The following CDCA2 variants were observed in gnomAD, a reference collection of about 807,000 sequenced individuals.
The protein encoded by CDCA2 is cell division cycle associated 2.
In CDCA2, 44 loss-of-function variants were observed where a neutral mutation model predicts 67.0. The observed-to-expected ratio is 0.66, with a 90% CI of 0.52 to 0.84. The LOEUF (loss-of-function observed/expected upper bound fraction) is 0.84, where lower values mean the gene tolerates loss of function less well. Ranked by LOEUF, CDCA2 falls within the 40% of genes least tolerant of loss-of-function variation. CDCA2 has a pLI of 0.00. For synonymous variants in CDCA2, 447 were observed against 418.7 expected (o/e 1.07, Z -0.82); for missense variants, 1,253 against 1,203.2 (o/e 1.04, Z -0.61).
intron 4 of CDCA2, among the ~76,000 whole-genome samples, chr8:25,465,857 A>G (rs1349534302): frequency 6.6e-6 from 1 of 152,226 alleles, no homozygotes; most frequent in Non-Finnish European, 1.5e-5. Flanking sequence ...TACATCCAGC[A>G]CAACATTTGG....
intron 7 of CDCA2, among the ~76,000 whole-genome samples, chr8:25,470,756 CTTTG>C (rs1803119710): frequency 1.4e-5 from 2 of 139,444 alleles, no homozygotes; most frequent in South Asian, 4.7e-4. Context: ...GCTGTATGTG[CTTTG>C]TTTTTCTTTT....
chr8:25,485,180 T>TATAATAATA (rs59602718), intron 10 of CDCA2, among the ~76,000 whole-genome samples: 580 of 113,922 alleles, frequency 5.1e-3, no homozygotes, highest in Non-Finnish European at 6.4e-3. Context: ...AAACTTAAAG[T>TATAATAATA]ATAATAATAA....
rs1802581094 is a variant in CDCA2, at chr8:25,459,383, C to T, written c.-91C>T. ...CCCTTCCGGACAGAGGAGCCGGGGT[C>T]TGGAAGGAGCGGCCGACGCGACGCT... On this transcript the variant is annotated 5_prime_UTR_variant, in exon 1 of 15. Transcript: ENST00000330560. 1 of 152,210 alleles carries T rather than the reference C, an allele frequency of 6.6e-6. No homozygotes were observed. The allele number at this position is 152,210 out of a possible 1,614,324, so 9.4% of individuals were successfully genotyped here. A position where few individuals can be genotyped will look rare whatever the true frequency, so the allele number is the denominator to read the frequency against.
rs1290775166 is a variant in CDCA2, at chr8:25,506,613, A to G, written c.1947A>G (p.Gln649=). 4 of 1,612,914 alleles carry G rather than the reference A, an allele frequency of 2.5e-6. No individual in the cohort carries two copies. Among genetic ancestry groups the G allele is most frequent in the Non-Finnish European group, 3.4e-6 (4 of 1,179,788 alleles). Residue 649 remains glutamine, a synonymous_variant, in exon 15 of 15, where the codon CAA becomes CAG. Coordinates refer to ENST00000330560, the MANE Select transcript of CDCA2 (RefSeq NM_152562.4). ...LRHDPDLHMH[Q]GYDKYDVSEF... ...ATGACCCAGATTTGCATATGCATCA[A>G]GGCTATGATAAATATGATGTCTCTG...
chr8:25,476,453 C>A (rs1018089366), intron 7 of CDCA2, among the ~76,000 whole-genome samples: 4 of 152,086 alleles, frequency 2.6e-5, no homozygotes, highest in Non-Finnish European at 4.4e-5. Flanking sequence ...AGGTCTTGGT[C>A]CTCTCACCCC....
intron 7 of CDCA2, among the ~76,000 whole-genome samples, chr8:25,471,299 G>A (rs1348635073): frequency 2.0e-5 from 3 of 152,176 alleles, no homozygotes; most frequent in African/African-American, 7.2e-5. Context: ...CCTGCACAGG[G>A]CAAGGTTGTG....
chr8:25,470,055 A>G (rs62502024), intron 7 of CDCA2, 75 bp downstream of exon 7: 66,592 of 989,408 alleles, frequency 0.067, 2,738 homozygotes, highest in Non-Finnish European at 0.08. Context: ...CTATTTGCTA[A>G]AATTTGGGGG....
chr8:25,468,269 G>A lies in CDCA2; in HGVS notation c.591G>A (p.Leu197=), dbSNP rs1803001903. ...ACQQSGFPAV[L]SSKRRRISYQ... ...AGCAGTCTGGGTTCCCTGCAGTGTT[G>A]TCCTCCAAACGTCGGAGAATATCCT... is the stretch of plus-strand genomic sequence containing the variant. The change falls in exon 6 of 15, where the codon TTG becomes TTA. Residue 197 remains leucine (L), a synonymous_variant. Transcript: ENST00000330560. 1.2e-6 allele frequency: 2 copies of A among 1,613,094 alleles called. No individual in the cohort carries two copies. Among genetic ancestry groups the A allele is most frequent in the South Asian group, 1.1e-5 (1 of 91,050 alleles).
chr8:25,490,111 G>C (rs976142689), intron 13 of CDCA2, among the ~76,000 whole-genome samples: 1 of 151,996 alleles, frequency 6.6e-6, no homozygotes, highest in African/African-American at 2.4e-5. Context: ...ACACACTCTT[G>C]ATAAAATGAT....
In CDCA2 at chr8:25,479,982, C is replaced by T; in HGVS notation, c.890C>T (p.Ala297Val). The T allele has an allele frequency of 6.2e-7, 1 of 1,614,150 alleles. No individual in the cohort carries two copies. The highest frequency in any genetic ancestry group is 8.5e-7 in the Non-Finnish European group (1 of 1,180,036). ...GCCGTTTCGCCTGACACGTTCACAG[C>T]AGAAGTGAGCTCAGACGCAGTCCCT... is the stretch of plus-strand genomic sequence containing the variant. ...SDAVSPDTFT[A>V]EVSSDAVPDV... The change falls in exon 8 of 15, where the codon GCA becomes GTA. Residue 297 changes from alanine (A) to valine (V), a missense_variant. Physicochemically the swap from Ala to Val is moderately conservative, Grantham distance 64. Coordinates refer to ENST00000330560, the MANE Select transcript of CDCA2 (RefSeq NM_152562.4).
Position 25,474,916 on chromosome 8 carries a change from T to C in CDCA2, c.820+4936T>C, listed in dbSNP as rs79648792. ...GGTAGGGTTAAGCAGAGCACTGAGA[T>C]TTGGTAGAGTCACTTCTCTGCAGCT... On this transcript the variant is annotated intron_variant, in intron 7 of 14. Transcript: ENST00000330560. Among the ~76,000 whole-genome samples, 1,352 of 152,202 alleles carry C rather than the reference T, an allele frequency of 8.9e-3. 17 individuals are homozygous for C. The highest frequency in any genetic ancestry group is 0.02 in the Middle Eastern group (6 of 294).
chr8:25,490,278 T>A (rs1168082046), intron 13 of CDCA2, among the ~76,000 whole-genome samples: 1 of 151,758 alleles, frequency 6.6e-6, no homozygotes, highest in Non-Finnish European at 1.5e-5. Flanking sequence ...GGCCAGAAAG[T>A]ACAAAAAGGA....
At position 25,480,016 on chromosome 8, in the gene CDCA2, GT is replaced by G. The variant is rs1479168604; in HGVS notation, c.925del (p.Ser309HisfsTer23). 6.2e-7 allele frequency: 1 copy of G among 1,614,078 alleles called. No homozygotes were observed. The highest frequency in any genetic ancestry group is 8.5e-7 in the Non-Finnish European group (1 of 1,180,028). ...VSSDAVPDVR[S>X]PATPACRRDL... The stretch of plus-strand genomic sequence containing the variant: ...GCTCAGACGCAGTCCCTGATGTCAG[GT>G]CACCAGCTACTCCAGCCTGCAGGAG... On this transcript the variant is annotated frameshift_variant, in exon 8 of 15. Coordinates refer to ENST00000330560, the MANE Select transcript of CDCA2 (RefSeq NM_152562.4). LOFTEE classifies it high-confidence loss of function.
At chr8:25,501,924 G>A (rs1375445438) in intron 13 of CDCA2, among the ~76,000 whole-genome samples, 2 of 152,056 alleles carry the variant, frequency 1.3e-5, no homozygotes, top group African/African-American at 4.8e-5. Context: ...TTTTTGAGAC[G>A]GAGTCTCACT....
chr8:25,484,721 C>G (rs912143105), intron 10 of CDCA2, among the ~76,000 whole-genome samples: 1 of 151,828 alleles, frequency 6.6e-6, no homozygotes, highest in East Asian at 1.9e-4. Context: ...CCCGTCTTAG[C>G]CTCCCGAGTA....
intron 7 of CDCA2, among the ~76,000 whole-genome samples, chr8:25,474,836 G>A (rs1803285129): frequency 6.6e-6 from 1 of 152,196 alleles, no homozygotes; most frequent in African/African-American, 2.4e-5. Flanking sequence ...GGTGGGCAGG[G>A]CCTGAGGCTG....
Position 25,507,552 on chromosome 8 carries a change from C to A in CDCA2, c.2886C>A (p.Gly962=). The change falls in exon 15 of 15, where the codon GGC becomes GGA. Residue 962 remains glycine (G), a synonymous_variant. Coordinates refer to ENST00000330560, the MANE Select transcript of CDCA2 (RefSeq NM_152562.4). ...PPVSDPENSQ[G]PAAGSSDEPG... Reference sequence around the variant, plus strand: ...TCTCAGATCCAGAAAACAGCCAGGGCCCTGCTGCTGGTTCTTCCGATGAAC... The same window carrying A: ...TCTCAGATCCAGAAAACAGCCAGGGACCTGCTGCTGGTTCTTCCGATGAAC... 6.2e-7 allele frequency: 1 copy of A among 1,614,138 alleles called. No homozygotes were observed. Among genetic ancestry groups the A allele is most frequent in the South Asian group, 1.1e-5 (1 of 91,070 alleles).
In CDCA2 at chr8:25,484,181, C is replaced by A. The variant is rs1485568923; in HGVS notation, c.1336C>A (p.Pro446Thr). ...ACCTGTTCCTGAGCCATTACCTCAA[C>A]CAGATTTTGATGACAAGGGGGAGAA... ...QSPVPEPLPQ[P>T]DFDDKGENLE... The change falls in exon 10 of 15, where the codon CCA (proline) becomes ACA (threonine). Residue 446 changes from proline to threonine, a missense_variant. Physicochemically the swap from Pro to Thr is conservative, Grantham distance 38. Transcript: ENST00000330560. 1 of 1,614,146 alleles carries A rather than the reference C, an allele frequency of 6.2e-7. No homozygotes were observed. The highest frequency in any genetic ancestry group is 8.5e-7 in the Non-Finnish European group (1 of 1,180,004).
intron 6 of CDCA2, 22 bp from the exon 7 acceptor site, chr8:25,469,874 A>T (rs1803080193): frequency 5.3e-6 from 8 of 1,507,116 alleles, no homozygotes; most frequent in Non-Finnish European, 7.4e-6. Context: ...AAAATGTAAT[A>T]CTCTTTCAAT....
Sources: gnomAD v4.1 joint callset for allele counts (sites outside exome capture counted in the v4.1 genomes callset) on GRCh38, gnomAD v4.1.1 for gene constraint, MANE v1.5 for transcripts, NCBI Gene and HGNC (gene_info 2026-07-23, HGNC 2026-07-21) for gene names.